The following AGTR1 variants were observed in gnomAD, a reference collection of about 807,000 sequenced individuals.
AGTR1 encodes the protein angiotensin II receptor type 1.
Under a neutral mutation model 19.4 loss-of-function variants are expected in AGTR1, and 16 were observed. The observed-to-expected ratio is 0.82, with a 90% CI of 0.56 to 1.25. The LOEUF (loss-of-function observed/expected upper bound fraction) is 1.25, where lower values mean the gene tolerates loss of function less well. AGTR1 is among the 50% of genes most tolerant of loss of function. The probability of loss-of-function intolerance (pLI) is 0.00; values close to 1 mark genes in which losing one functional copy is unlikely to be tolerated. For missense variants in AGTR1, 373 were observed against 431.9 expected, an observed-to-expected ratio of 0.86 and a Z score of 1.21; for synonymous variants, 153 against 154.9, an observed-to-expected ratio of 0.99 and a Z score of 0.09.
intron 2 of AGTR1, among the ~76,000 whole-genome samples, chr3:148,714,565 T>C (rs925477406): frequency 6.6e-6 from 1 of 152,036 alleles, no homozygotes; most frequent in Non-Finnish European, 1.5e-5. Context: ...ACTAGAGACA[T>C]ATTTAGAATG....
chr3:148,733,125 C>T (rs12695908), intron 2 of AGTR1, among the ~76,000 whole-genome samples: 6,706 of 152,196 alleles, frequency 0.044, 162 homozygotes, highest in East Asian at 0.053. Flanking sequence ...GTCACCCAGC[C>T]AGTGAGTGGG....
chr3:148,741,506 C>A lies in AGTR1; in HGVS notation c.471C>A (p.Gly157=). 1 of 1,614,016 alleles carries A rather than the reference C, an allele frequency of 6.2e-7. No homozygotes were observed. Among genetic ancestry groups the A allele is most frequent in the African/African-American group, 1.3e-5 (1 of 75,042 alleles). The change falls in exon 3 of 3, where the codon GGC becomes GGA. Residue 157 remains glycine, a synonymous_variant. Coordinates refer to ENST00000349243, the MANE Select transcript of AGTR1 (RefSeq NM_000685.5). ...GCATCATCATTTGGCTGCTGGCAGG[C>A]TTGGCCAGTTTGCCAGCTATAATCC... is the stretch of plus-strand genomic sequence containing the variant. ...VTCIIIWLLA[G]LASLPAIIHR...
At chr3:148,724,858 C>A (rs1167241157) in intron 2 of AGTR1, among the ~76,000 whole-genome samples, 20 of 152,274 alleles carry the variant, frequency 1.3e-4, no homozygotes, top group Non-Finnish European at 4.4e-5. Flanking sequence ...GAATTAGAAT[C>A]TTTTTCATAT....
intron 2 of AGTR1, among the ~76,000 whole-genome samples, chr3:148,715,916 C>T (rs1713281554): frequency 1.3e-5 from 2 of 152,092 alleles, no homozygotes; most frequent in Admixed American, 6.5e-5. Context: ...TTTCTCTGAC[C>T]GTTAGAGAGT....
chr3:148,726,141 G>A (rs1713918402), intron 2 of AGTR1, among the ~76,000 whole-genome samples: 1 of 152,106 alleles, frequency 6.6e-6, no homozygotes. Context: ...TCAATTTCTA[G>A]AGAAGCGAAG....
intron 2 of AGTR1, among the ~76,000 whole-genome samples, chr3:148,737,231 G>T (rs12695914): frequency 0.048 from 7,272 of 152,102 alleles, 186 homozygotes; most frequent in African/African-American, 0.06. Flanking sequence ...CCCCAAGAGC[G>T]TTGTGCAATA....
Position 148,741,910 on chromosome 3 carries a change from A to G in AGTR1, c.875A>G (p.Tyr292Cys), listed in dbSNP as rs749234826. ...ATGCCTATCACCATTTGTATAGCTT[A>G]TTTTAACAATTGCCTGAATCCTCTT... ...TAMPITICIAYFNNCLNPLFY... is the reference protein window; with the variant it reads ...TAMPITICIACFNNCLNPLFY... The change falls in exon 3 of 3, where the codon TAT becomes TGT. Residue 292 changes from tyrosine (Y) to cysteine (C), a missense_variant. Physicochemically the swap from Tyr to Cys is radical, Grantham distance 194. Transcript: ENST00000349243. 2 of 1,614,154 alleles carry G rather than the reference A, an allele frequency of 1.2e-6. No homozygotes were observed. The highest frequency in any genetic ancestry group is 1.7e-6 in the Non-Finnish European group (2 of 1,180,026).
intron 1 of AGTR1, among the ~76,000 whole-genome samples, chr3:148,704,038 A>T (rs182556710): frequency 2.2e-4 from 33 of 152,158 alleles, no homozygotes; most frequent in Admixed American, 1.8e-3. Flanking sequence ...AAAGCTTTTT[A>T]AAAAAATAGT....
intron 2 of AGTR1, among the ~76,000 whole-genome samples, chr3:148,711,084 C>A (rs562248717): frequency 6.6e-6 from 1 of 152,222 alleles, no homozygotes; most frequent in South Asian, 2.1e-4. Context: ...TTCAGGTATT[C>A]CTTTATAGCA....
intron 2 of AGTR1, among the ~76,000 whole-genome samples, chr3:148,708,366 C>A (rs1712792750): frequency 6.6e-6 from 1 of 152,002 alleles, no homozygotes; most frequent in South Asian, 2.1e-4. Flanking sequence ...TTAAGAGGAC[C>A]AGAAGGGAAA....
At chr3:148,727,769 T>C (rs976927333) in intron 2 of AGTR1, among the ~76,000 whole-genome samples, 3 of 152,282 alleles carry the variant, frequency 2.0e-5, no homozygotes, top group East Asian at 1.9e-4. Flanking sequence ...CCCCGGAAGA[T>C]ATAATGCATG....
At position 148,740,095 on chromosome 3, in the gene AGTR1, TA is replaced by T. The variant is rs12695922; in HGVS notation, c.-47-893del. The T allele has an allele frequency of 0.011, 9,622 of 863,468 alleles. 648 individuals are homozygous for T. The African/African-American group carries it at 0.15, about 13-fold the overall frequency. 53.5% of individuals were successfully genotyped at this position (863,468 alleles called of 1,614,324 possible). A position where few individuals can be genotyped will look rare whatever the true frequency, so the allele number is the denominator to read the frequency against. ...TGATTATGTAGAAAATCAGAGCAAA[TA>T]TTTGCATGGCTTTGTGCAGCCCATT... On this transcript the variant is annotated intron_variant, in intron 2 of 2. Transcript: ENST00000349243.
chr3:148,730,632 G>A (rs1004825219), intron 2 of AGTR1: 9 of 155,426 alleles, frequency 5.8e-5, no homozygotes, highest in African/African-American at 2.2e-4. Flanking sequence ...CAGCATTTAA[G>A]CCAGAGTTGC....
intron 2 of AGTR1, among the ~76,000 whole-genome samples, chr3:148,713,737 G>A (rs1174889917): frequency 1.3e-5 from 2 of 152,114 alleles, no homozygotes; most frequent in Non-Finnish European, 2.9e-5. Flanking sequence ...GCCACAACTG[G>A]CAGCCAAAAA....
chr3:148,714,671 A>G (rs752353326), intron 2 of AGTR1, among the ~76,000 whole-genome samples: 1 of 152,206 alleles, frequency 6.6e-6, no homozygotes, highest in Non-Finnish European at 1.5e-5. Flanking sequence ...CCCAAACTGC[A>G]GATTTTCCCA....
chr3:148,708,433 G>A (rs955165176), intron 2 of AGTR1, among the ~76,000 whole-genome samples: 1 of 152,080 alleles, frequency 6.6e-6, no homozygotes, highest in Non-Finnish European at 1.5e-5. Context: ...TGATACCCCA[G>A]TGCTCACTTT....
At chr3:148,736,619 C>T (rs1576539324) in intron 2 of AGTR1, among the ~76,000 whole-genome samples, 1 of 152,234 alleles carries the variant, frequency 6.6e-6, no homozygotes, top group Non-Finnish European at 1.5e-5. Flanking sequence ...TATCACTGTT[C>T]ATGTTTCCTA....
intron 2 of AGTR1, among the ~76,000 whole-genome samples, chr3:148,740,707 T>C (rs186246277): frequency 1.3e-4 from 20 of 152,316 alleles, no homozygotes; most frequent in African/African-American, 4.8e-4. Context: ...GATTTACTTA[T>C]AGAAAAAAAG....
chr3:148,713,302 T>C lies in AGTR1; in HGVS notation c.-48+5275T>C, dbSNP rs56285289. ...TATGGTATCACCATCCATCAATCCA[T>C]ATTGGTTGGAGGGGGGGAATATATA... On this transcript the variant is annotated intron_variant, in intron 2 of 2. Transcript: ENST00000349243. Among the ~76,000 whole-genome samples the C allele has an allele frequency of 2.4e-3, 356 of 147,528 alleles. 1 individual carries two copies. Among genetic ancestry groups the C allele is most frequent in the African/African-American group, 8.6e-3 (324 of 37,728 alleles).
Sources: gnomAD v4.1 joint callset for allele counts (sites outside exome capture counted in the v4.1 genomes callset) on GRCh38, gnomAD v4.1.1 for gene constraint, MANE v1.5 for transcripts, NCBI Gene and HGNC (gene_info 2026-07-23, HGNC 2026-07-21) for gene names.